PCDH15: variants seen among roughly 807,000 people sequenced by gnomAD.
PCDH15 encodes protocadherin related 15, also known as protocadherin-15.
A neutral mutation model predicts 178.5 loss-of-function variants in PCDH15; 129 were observed. That is an observed-to-expected ratio of 0.72 (90% CI 0.63 to 0.84). The LOEUF (loss-of-function observed/expected upper bound fraction) is 0.84, where lower values mean the gene tolerates loss of function less well. PCDH15 is among the 40% of genes least tolerant of loss of function. The pLI, the probability that PCDH15 is intolerant of heterozygous loss-of-function variation, is 0.00. For missense variants in PCDH15, 2,230 were observed against 2,099.9 expected (o/e 1.06, Z -1.21); for synonymous variants, 800 against 732.0 (o/e 1.09, Z -1.50).
At chr10:54,771,806 A>C (rs1471521352) in intron 1 of PCDH15, among the ~76,000 whole-genome samples, 1 of 152,180 alleles carries the variant, frequency 6.6e-6, no homozygotes, top group Non-Finnish European at 1.5e-5. Flanking sequence ...AAATTTTCAA[A>C]AGACATCTTT....
intron 2 of PCDH15, among the ~76,000 whole-genome samples, chr10:54,913,637 C>A (rs1239760779): frequency 2.0e-5 from 3 of 152,136 alleles, no homozygotes; most frequent in Non-Finnish European, 4.4e-5. Context: ...GATCCGTCAA[C>A]ATCTTGCACC....
chr10:54,124,770 A>G (rs2041849380), intron 15 of PCDH15, among the ~76,000 whole-genome samples: 1 of 152,198 alleles, frequency 6.6e-6, no homozygotes, highest in Non-Finnish European at 1.5e-5. Flanking sequence ...AATGCATCCT[A>G]TTTTACAAGA....
At chr10:53,977,838 G>T (rs1051887597) in intron 21 of PCDH15, among the ~76,000 whole-genome samples, 1 of 152,160 alleles carries the variant, frequency 6.6e-6, no homozygotes, top group African/African-American at 2.4e-5. Context: ...CTAAAATGAA[G>T]GGGCTACAGG....
At chr10:55,250,093 T>C (rs1246212167) in intron 1 of PCDH15, among the ~76,000 whole-genome samples, 1 of 152,128 alleles carries the variant, frequency 6.6e-6, no homozygotes. Context: ...TTGTTTTTCT[T>C]ATTCTGCTTA....
intron 15 of PCDH15, among the ~76,000 whole-genome samples, chr10:54,103,562 A>G (rs1263670872): frequency 6.6e-6 from 1 of 152,144 alleles, no homozygotes; most frequent in Non-Finnish European, 1.5e-5. Context: ...GGTCAAGGGT[A>G]TATCTTCAGG....
chr10:54,324,284 T>A (rs533268494), intron 7 of PCDH15, among the ~76,000 whole-genome samples: 4 of 152,124 alleles, frequency 2.6e-5, no homozygotes, highest in African/African-American at 7.2e-5. Flanking sequence ...ATTTGAATAT[T>A]TCTGTCCATA....
intron 27 of PCDH15, among the ~76,000 whole-genome samples, chr10:53,857,749 A>C (rs1001902188): frequency 6.6e-6 from 1 of 152,072 alleles, no homozygotes; most frequent in Admixed American, 6.6e-5. Flanking sequence ...CCAACTTTAA[A>C]TTTGTGTAGG....
intron 3 of PCDH15, among the ~76,000 whole-genome samples, chr10:54,433,685 CT>C (rs1347151141): frequency 3.9e-5 from 6 of 152,080 alleles, no homozygotes; most frequent in Middle Eastern, 3.4e-3. Flanking sequence ...TTAAAAATAA[CT>C]AAAAAAGTGT....
chr10:55,305,575 T>G (rs1226907068), intron 1 of PCDH15, among the ~76,000 whole-genome samples: 1 of 152,194 alleles, frequency 6.6e-6, no homozygotes, highest in Non-Finnish European at 1.5e-5. Flanking sequence ...TGACATGTGA[T>G]TTATTTCTTT....
At chr10:54,848,106 C>T (rs564975078) in intron 3 of PCDH15, among the ~76,000 whole-genome samples, 32 of 152,238 alleles carry the variant, frequency 2.1e-4, no homozygotes, top group Non-Finnish European at 4.1e-4. Flanking sequence ...TAGTCCAGTG[C>T]ATTGGCTCAT....
At chr10:54,173,816 T>G (rs1385697800) in intron 13 of PCDH15, among the ~76,000 whole-genome samples, 1 of 152,160 alleles carries the variant, frequency 6.6e-6, no homozygotes, top group Non-Finnish European at 1.5e-5. Flanking sequence ...TAATTATAAA[T>G]TTTTAAATGT....
chr10:55,030,970 A>C lies in PCDH15; in HGVS notation c.-79-133470T>G, dbSNP rs185125956. ...AGGATAAGAGAATTAGAAAAAAACT[A>C]TAAATAATGCTATTCCTTGAAAAGA... On this transcript the variant is annotated intron_variant, in intron 2 of 5. Coordinates refer to the PCDH15 transcript ENST00000458638. Among the ~76,000 whole-genome samples the C allele has an allele frequency of 2.3e-4, 35 of 151,232 alleles. No individual in the cohort carries two copies. The East Asian group carries it at 6.9e-3, about 30-fold the overall frequency.
Position 54,708,814 on chromosome 10 carries a change from G to T in PCDH15, c.-28-44524C>A, listed in dbSNP as rs540127566. On this transcript the variant is annotated intron_variant, in intron 1 of 37. Transcript: ENST00000644397. ...TGTGTGTGTGTGTGCGCGCGCGTGCGTGTGGTCATCTTTATTCTTGGCATG... is the reference window on the plus strand; with the variant it reads ...TGTGTGTGTGTGTGCGCGCGCGTGCTTGTGGTCATCTTTATTCTTGGCATG... 3.3e-5 allele frequency among the ~76,000 whole-genome samples: 5 copies of T among 151,946 alleles called. No homozygotes were observed. The East Asian group carries it at 9.7e-4, about 29-fold the overall frequency.
intron 14 of PCDH15, among the ~76,000 whole-genome samples, chr10:54,139,149 A>G (rs1050785693): frequency 1.3e-5 from 2 of 152,138 alleles, no homozygotes; most frequent in African/African-American, 4.8e-5. Context: ...AGAACTATAA[A>G]CCCAGCTAAC....
intron 2 of PCDH15, among the ~76,000 whole-genome samples, chr10:55,390,813 T>C (rs1216269027): frequency 6.6e-6 from 1 of 152,194 alleles, no homozygotes; most frequent in African/African-American, 2.4e-5. Context: ...GCAGTAGTAA[T>C]ATTTCAAAAG....
intron 20 of PCDH15, among the ~76,000 whole-genome samples, chr10:54,017,994 T>G (rs1279661030): frequency 6.6e-6 from 1 of 152,182 alleles, no homozygotes; most frequent in East Asian, 1.9e-4. Context: ...ATTACTTTGT[T>G]GTCTAAGAAA....
At chr10:54,450,831 T>C (rs1157805462) in intron 3 of PCDH15, among the ~76,000 whole-genome samples, 1 of 151,874 alleles carries the variant, frequency 6.6e-6, no homozygotes, top group Non-Finnish European at 1.5e-5. Context: ...AACAAAATGC[T>C]TCTCAGACCT....
intron 3 of PCDH15, among the ~76,000 whole-genome samples, chr10:54,408,919 G>A (rs1414959704): frequency 6.6e-6 from 1 of 152,102 alleles, no homozygotes; most frequent in Non-Finnish European, 1.5e-5. Flanking sequence ...ATATGGCTTG[G>A]CTATGTCCCC....
At chr10:54,619,136 T>A (rs2093278317) in intron 2 of PCDH15, 1 of 144,432 alleles carries the variant, frequency 6.9e-6, no homozygotes, top group South Asian at 2.2e-4. Flanking sequence ...TTTTATAGGT[T>A]TAATCTAACT....
Sources: allele counts gnomAD v4.1 joint callset (sites outside exome capture counted in the v4.1 genomes callset), GRCh38; gene constraint gnomAD v4.1.1; transcripts MANE v1.5; gene names NCBI Gene and HGNC (gene_info 2026-07-23, HGNC 2026-07-21).